Variants in SOX6 observed in about 807,000 individuals in gnomAD.
The protein encoded by SOX6 is transcription factor SOX-6.
SOX6 carries 11 observed loss-of-function variants against 97.8 expected under a neutral mutation model. That is an observed-to-expected ratio of 0.11 (90% CI 0.07 to 0.19). The LOEUF is 0.19. Ranked by LOEUF, SOX6 falls within the 10% of genes least tolerant of loss-of-function variation. SOX6 has a pLI of 1.00. For synonymous variants in SOX6, 360 were observed against 371.4 expected (o/e 0.97, Z 0.35); for missense variants, 810 against 1,039.5 (o/e 0.78, Z 3.04).
chr11:16,041,397 A>G (rs1448725548), intron 12 of SOX6, among the ~76,000 whole-genome samples: 1 of 152,080 alleles, frequency 6.6e-6, no homozygotes, highest in African/African-American at 2.4e-5. Flanking sequence ...TTTCCAATAA[A>G]AGGGGGCAGT....
intron 2 of SOX6, among the ~76,000 whole-genome samples, chr11:16,722,338 G>T (rs951941091): frequency 1.3e-5 from 2 of 152,068 alleles, no homozygotes; most frequent in African/African-American, 4.8e-5. Context: ...TTACAAGAGA[G>T]AAATAAACAA....
In SOX6 at chr11:16,202,354, C is replaced by T. The variant is rs149653238; in HGVS notation, c.536-15399G>A. Reference sequence around the variant, plus strand: ...AGAATGTCCTGTGTAGCATAAAAATCGTAAAGCAAAAACTTTCCCACATTA... The same window carrying T: ...AGAATGTCCTGTGTAGCATAAAAATTGTAAAGCAAAAACTTTCCCACATTA... On this transcript the variant is annotated intron_variant, in intron 4 of 15. Transcript: ENST00000683767. Among the ~76,000 whole-genome samples the T allele has an allele frequency of 9.1e-4, 138 of 152,086 alleles. 3 individuals are homozygous for T. In the East Asian group the frequency reaches 0.02, roughly 21 times the overall value.
rs1178194679 is a variant in SOX6 at position 16,045,258 on chromosome 11, T to C, written c.1623+1256A>G. On this transcript the variant is annotated intron_variant, in intron 12 of 15. Coordinates refer to ENST00000683767, the MANE Select transcript of SOX6 (RefSeq NM_001367873.1). ...AATCCCTTATCTTGAATCCCCAATC[T>C]GCAATGTGATGGTCACTGGAGGTGG... is the stretch of plus-strand genomic sequence containing the variant. Among the ~76,000 whole-genome samples, 4 of 152,100 alleles carry C rather than the reference T, an allele frequency of 2.6e-5. No individual in the cohort carries two copies. The South Asian group carries it at 8.3e-4, about 32-fold the overall frequency.
intron 2 of SOX6, among the ~76,000 whole-genome samples, chr11:16,331,077 C>T (rs561833798): frequency 3.3e-5 from 5 of 152,290 alleles, no homozygotes; most frequent in East Asian, 3.9e-4. Context: ...TTCCATAGAG[C>T]TCCTCTTAAG....
At chr11:16,717,110 T>C (rs1243897931) in intron 2 of SOX6, among the ~76,000 whole-genome samples, 2 of 152,292 alleles carry the variant, frequency 1.3e-5, no homozygotes, top group East Asian at 3.9e-4. Context: ...TTGTTTTATA[T>C]TATGAATTAA....
chr11:16,408,150 G>C (rs951075063), intron 1 of SOX6, among the ~76,000 whole-genome samples: 1 of 152,130 alleles, frequency 6.6e-6, no homozygotes, highest in South Asian at 2.1e-4. Flanking sequence ...AAGCTAATAG[G>C]TCCATAGAAA....
At chr11:16,647,756 AG>A (rs1849035059) in intron 3 of SOX6, among the ~76,000 whole-genome samples, 1 of 152,220 alleles carries the variant, frequency 6.6e-6, no homozygotes. Context: ...TTCAAATCAC[AG>A]GAGAAGGACT....
chr11:16,497,220 C>A (rs1860615463), intron 4 of SOX6, among the ~76,000 whole-genome samples: 2 of 152,132 alleles, frequency 1.3e-5, no homozygotes, highest in African/African-American at 4.8e-5. Context: ...CTAGAGTGGA[C>A]CTCCAGCAAA....
chr11:16,524,917 C>A (rs1402838021), intron 4 of SOX6, among the ~76,000 whole-genome samples: 2 of 152,166 alleles, frequency 1.3e-5, no homozygotes, highest in African/African-American at 2.4e-5. Flanking sequence ...AGGAATCCAA[C>A]TTACAAGGGA....
chr11:16,443,088 C>A (rs572369107), intron 1 of SOX6, among the ~76,000 whole-genome samples: 25 of 151,938 alleles, frequency 1.6e-4, no homozygotes, highest in Admixed American at 2.6e-4. Context: ...AATATTATAC[C>A]CCCATATTAG....
chr11:16,606,174 T>C (rs565417556), intron 4 of SOX6, among the ~76,000 whole-genome samples: 74 of 151,480 alleles, frequency 4.9e-4, no homozygotes, highest in Non-Finnish European at 4.9e-4. Flanking sequence ...TCTCCCGGGG[T>C]AGGCTAGCTG....
At chr11:16,077,619 T>C (rs1012396207) in intron 9 of SOX6, among the ~76,000 whole-genome samples, 3 of 152,194 alleles carry the variant, frequency 2.0e-5, no homozygotes, top group African/African-American at 7.2e-5. Context: ...TGAAACACTA[T>C]GCAGCCATGA....
chr11:16,441,219 A>G (rs1302696994), intron 1 of SOX6, among the ~76,000 whole-genome samples: 1 of 152,130 alleles, frequency 6.6e-6, no homozygotes, highest in Non-Finnish European at 1.5e-5. Context: ...TTATGGCCAT[A>G]CCATCTACTC....
chr11:16,582,408 C>T (rs1005788591), intron 4 of SOX6, among the ~76,000 whole-genome samples: 9 of 152,138 alleles, frequency 5.9e-5, no homozygotes, highest in African/African-American at 2.2e-4. Flanking sequence ...AATATCTTTA[C>T]TGTACTATAT....
intron 4 of SOX6, among the ~76,000 whole-genome samples, chr11:16,499,946 C>G (rs1234737842): frequency 6.6e-6 from 1 of 152,168 alleles, no homozygotes; most frequent in East Asian, 1.9e-4. Context: ...GGGAATCCTC[C>G]CTAACTCATT....
chr11:16,041,580 A>T (rs1855666637), intron 12 of SOX6, among the ~76,000 whole-genome samples: 1 of 152,178 alleles, frequency 6.6e-6, no homozygotes, highest in Admixed American at 6.6e-5. Flanking sequence ...ACTGAAAAAT[A>T]TCATTTGGGT....
chr11:16,412,748 C>G (rs1858847232), intron 1 of SOX6, among the ~76,000 whole-genome samples: 1 of 152,212 alleles, frequency 6.6e-6, no homozygotes, highest in South Asian at 2.1e-4. Flanking sequence ...CCTTCTCTCT[C>G]TCAGGCAGGC....
At chr11:16,554,552 C>T (rs961197648) in intron 4 of SOX6, among the ~76,000 whole-genome samples, 2 of 152,094 alleles carry the variant, frequency 1.3e-5, no homozygotes, top group East Asian at 3.8e-4. Context: ...GCAACTGTGG[C>T]AGCTAATTAT....
intron 1 of SOX6, among the ~76,000 whole-genome samples, chr11:16,405,095 T>A (rs914311251): frequency 6.6e-6 from 1 of 152,010 alleles, no homozygotes; most frequent in Non-Finnish European, 1.5e-5. Flanking sequence ...AGGAAATTGT[T>A]ATGAAACAGC....
Sources: gnomAD v4.1 joint callset for allele counts (sites outside exome capture counted in the v4.1 genomes callset) on GRCh38, gnomAD v4.1.1 for gene constraint, MANE v1.5 for transcripts, NCBI Gene and HGNC (gene_info 2026-07-23, HGNC 2026-07-21) for gene names.